POLR3A: variants seen among roughly 807,000 people sequenced by gnomAD.
The protein encoded by POLR3A is DNA-directed RNA polymerase III subunit RPC1.
Under a neutral mutation model 152.8 loss-of-function variants are expected in POLR3A, and 112 were observed. The ratio of observed to expected loss-of-function variants is 0.73; its 90% CI spans 0.63 to 0.86. The LOEUF (loss-of-function observed/expected upper bound fraction) is 0.86. Among genes scored for constraint, POLR3A ranks in the 40% least tolerant of loss-of-function variants. The pLI is 0.00. For synonymous variants in POLR3A, 615 were observed against 652.1 expected, an observed-to-expected ratio of 0.94 and a Z score of 0.87; for missense variants, 1,385 against 1,743.1, an observed-to-expected ratio of 0.79 and a Z score of 3.66.
chr10:78,014,225 A>G (rs1847496040), intron 10 of POLR3A, among the ~76,000 whole-genome samples: 3 of 152,172 alleles, frequency 2.0e-5, no homozygotes, highest in Admixed American at 2.0e-4. Flanking sequence ...AGTGAATTTC[A>G]ACAAAGGCGC....
chr10:77,987,240 G>A (rs746305847), intron 21 of POLR3A, among the ~76,000 whole-genome samples: 3 of 152,198 alleles, frequency 2.0e-5, no homozygotes, highest in Non-Finnish European at 2.9e-5. Flanking sequence ...CATCCCGGGA[G>A]CTGGCATCGG....
intron 27 of POLR3A, among the ~76,000 whole-genome samples, 154 bp downstream of exon 27, chr10:77,982,499 A>T (rs1847156624): frequency 6.6e-6 from 1 of 152,180 alleles, no homozygotes; most frequent in African/African-American, 2.4e-5. Context: ...GTTTTTTGAT[A>T]GAACAGAGAG....
intron 5 of POLR3A, among the ~76,000 whole-genome samples, chr10:78,023,352 C>A (rs529358484): frequency 6.6e-6 from 1 of 150,438 alleles, no homozygotes; most frequent in Non-Finnish European, 1.5e-5. Context: ...CCCAGCAACT[C>A]GGGAGGCTGA....
At position 78,022,178 on chromosome 10, in the gene POLR3A, T is replaced by C. The variant is rs1228591694; in HGVS notation, c.852A>G (p.Thr284=). ...TNEDDLTMKL[T]EIIFLNDVIK... is the part of the protein sequence containing the mutation. ...TAACATCGTTTAGGAAAATGATTTC[T>C]GTCAGTTTCATTGTCAGATCATCTT... is the stretch of plus-strand genomic sequence containing the variant. The change falls in exon 6 of 31, where the codon ACA becomes ACG. Residue 284 remains threonine, a synonymous_variant. Coordinates refer to ENST00000372371, the MANE Select transcript of POLR3A (RefSeq NM_007055.4). 1 of 1,614,194 alleles carries C rather than the reference T, an allele frequency of 6.2e-7. No homozygotes were observed. Among genetic ancestry groups the C allele is most frequent in the African/African-American group, 1.3e-5 (1 of 75,068 alleles).
Position 77,980,182 on chromosome 10 carries a change from A to G in POLR3A, c.3983T>C (p.Leu1328Pro). ...CTGCCCGAAGTAGGCAGCGTCAAAG[A>G]GATGGTCAGCCGTCTTCTCAAAGGA... ...LASFEKTADH[L>P]FDAAYFGQKD... Residue 1328 changes from leucine (L) to proline (P), a missense_variant, in exon 30 of 31, where the codon CTC (leucine) becomes CCC (proline). Physicochemically the swap from Leu to Pro is moderately conservative, Grantham distance 98. Around this residue, in one of 7 missense-constraint regions of POLR3A, gnomAD observed 332 missense variants for 400.1 expected, o/e 0.83. Transcript: ENST00000372371. 2 of 1,614,098 alleles carry G rather than the reference A, an allele frequency of 1.2e-6. No homozygotes were observed. Among genetic ancestry groups the G allele is most frequent in the Non-Finnish European group, 1.7e-6 (2 of 1,179,948 alleles).
intron 10 of POLR3A, among the ~76,000 whole-genome samples, chr10:78,015,351 G>A (rs960786653): frequency 1.3e-5 from 2 of 151,788 alleles, no homozygotes; most frequent in African/African-American, 2.4e-5. Context: ...TTTTTGAGAC[G>A]GAGCTTCATT....
chr10:77,986,174 A>T lies in POLR3A; in HGVS notation c.2902-15T>A. 1 of 1,189,498 alleles carries T rather than the reference A, an allele frequency of 8.4e-7. No individual in the cohort carries two copies. Among genetic ancestry groups the T allele is most frequent in the Non-Finnish European group, 1.3e-6 (1 of 792,148 alleles). The allele number at this position is 1,189,498 out of a possible 1,614,324, so 73.7% of individuals were successfully genotyped here. ...TTTTTTATTTCCTGAAAGATTACAC[A>T]GCAAACATCATTTGTAAGTTTCACA... On this transcript the variant is annotated splice_polypyrimidine_tract_variant and intron_variant, in intron 21 of 30. Coordinates refer to ENST00000372371, the MANE Select transcript of POLR3A (RefSeq NM_007055.4).
chr10:77,986,438 C>A (rs953097620), intron 21 of POLR3A, among the ~76,000 whole-genome samples: 1 of 152,188 alleles, frequency 6.6e-6, no homozygotes, highest in Non-Finnish European at 1.5e-5. Flanking sequence ...ACAGAGCCCA[C>A]AAAGTGCGTG....
In POLR3A at chr10:78,028,287, C is replaced by T. The variant is rs146179103; in HGVS notation, c.44+1077G>A. Among the ~76,000 whole-genome samples the T allele has an allele frequency of 8.1e-3, 1,229 of 152,198 alleles. 10 individuals are homozygous for T. Among genetic ancestry groups the T allele is most frequent in the African/African-American group, 0.026 (1,084 of 41,516 alleles). On this transcript the variant is annotated intron_variant, in intron 1 of 30. Transcript: ENST00000372371. ...CTGTGTTCTCTCCCTCAGGTCTGCTCCTTGAAAAAAGCAGTTTGGTCTGCT... is the reference window on the plus strand; with the variant it reads ...CTGTGTTCTCTCCCTCAGGTCTGCTTCTTGAAAAAAGCAGTTTGGTCTGCT...
chr10:77,982,371 C>T, intron 27 of POLR3A, 53 bp from the exon 28 acceptor site: 1 of 1,537,884 alleles, frequency 6.5e-7, no homozygotes, highest in Non-Finnish European at 9.0e-7. Context: ...ATGCCCTGGG[C>T]TGATCACCTT....
intron 20 of POLR3A, among the ~76,000 whole-genome samples, chr10:77,991,506 C>T (rs1203411642): frequency 6.6e-6 from 1 of 152,110 alleles, no homozygotes; most frequent in African/African-American, 2.4e-5. Flanking sequence ...AAAATATTCT[C>T]CCACTTCTGA....
At chr10:78,027,517 G>C (rs1847648771) in intron 1 of POLR3A, among the ~76,000 whole-genome samples, 2 of 152,002 alleles carry the variant, frequency 1.3e-5, no homozygotes, top group South Asian at 4.1e-4. Flanking sequence ...AAATTTGCTA[G>C]GCGTGATGGC....
intron 14 of POLR3A, among the ~76,000 whole-genome samples, chr10:78,008,859 A>C (rs1332451755): frequency 1.3e-5 from 2 of 151,712 alleles, no homozygotes; most frequent in African/African-American, 4.8e-5. Context: ...GAAAAAAAAA[A>C]AAAAAAATCA....
At position 78,002,289 on chromosome 10, in the gene POLR3A, A is replaced by G. The variant is rs1847365105; in HGVS notation, c.2267T>C (p.Leu756Pro). The change falls in exon 17 of 31, where the codon CTG becomes CCG. Residue 756 changes from leucine (L) to proline (P), a missense_variant. Around this residue, in one of 7 missense-constraint regions of POLR3A, gnomAD observed 170 missense variants for 231.2 expected, o/e 0.74. Transcript: ENST00000372371. The part of the protein sequence containing the change: ...ETLEALILKE[L>P]SVIRDHAGSA... ...GCCAGCGTGGTCACGGATCACAGAC[A>G]GCTCCTTCAGGATCAGTGCCTAGTG... 1 of 1,601,774 alleles carries G rather than the reference A, an allele frequency of 6.2e-7. No homozygotes were observed. The highest frequency in any genetic ancestry group is 8.5e-7 in the Non-Finnish European group (1 of 1,174,638).
chr10:78,014,926 A>G (rs1486417777), intron 10 of POLR3A, among the ~76,000 whole-genome samples: 1 of 152,250 alleles, frequency 6.6e-6, no homozygotes, highest in Admixed American at 6.5e-5. Context: ...GATAGATTCA[A>G]AAAGTGGGGT....
chr10:77,999,776 T>C (rs1354107341), intron 19 of POLR3A, among the ~76,000 whole-genome samples: 2 of 152,228 alleles, frequency 1.3e-5, no homozygotes, highest in African/African-American at 4.8e-5. Context: ...TGGCCTGGTC[T>C]TGATCATCAT....
At chr10:78,026,460 A>G (rs1847635719) in intron 1 of POLR3A, among the ~76,000 whole-genome samples, 1 of 152,286 alleles carries the variant, frequency 6.6e-6, no homozygotes, top group East Asian at 1.9e-4. Context: ...CACCAAGGCC[A>G]CCTAGACAAC....
At chr10:78,016,493 C>T (rs938300471) in intron 10 of POLR3A, among the ~76,000 whole-genome samples, 3 of 151,154 alleles carry the variant, frequency 2.0e-5, no homozygotes, top group African/African-American at 7.3e-5. Context: ...GTGGGTGAAT[C>T]ACCTGAGGTC....
In POLR3A at chr10:78,017,646, G is replaced by C. The variant is rs368681602; in HGVS notation, c.1360C>G (p.Leu454Val). 6.2e-7 allele frequency: 1 copy of C among 1,613,950 alleles called. No individual in the cohort carries two copies. Among genetic ancestry groups the C allele is most frequent in the African/African-American group, 1.3e-5 (1 of 74,918 alleles). The change falls in exon 10 of 31, where the codon CTC becomes GTC. Residue 454 changes from leucine to valine, a missense_variant. Leu to Val is a conservative substitution (Grantham distance 32, BLOSUM62 1). Coordinates refer to ENST00000372371, the MANE Select transcript of POLR3A (RefSeq NM_007055.4). ...LKYGDIVERHLIDGDVVLFNR... is the reference protein window; with the variant it reads ...LKYGDIVERHVIDGDVVLFNR... ...AACAGCACCACATCTCCATCGATGA[G>C]GTGTCTCTCTACGATGTCACCATAC...
Sources: allele counts gnomAD v4.1 joint callset (sites outside exome capture counted in the v4.1 genomes callset), GRCh38; gene constraint gnomAD v4.1.1; regional missense constraint gnomAD v4.1.1; transcripts MANE v1.5; gene names NCBI Gene and HGNC (gene_info 2026-07-23, HGNC 2026-07-21).